DLGAP2: variants seen among roughly 807,000 people sequenced by gnomAD.
The protein encoded by DLGAP2 is disks large-associated protein 2.
DLGAP2 carries 26 observed loss-of-function variants against 100.3 expected under a neutral mutation model. The ratio of observed to expected loss-of-function variants is 0.26; its 90% CI spans 0.19 to 0.36. The LOEUF (loss-of-function observed/expected upper bound fraction) is 0.36, where lower values mean the gene tolerates loss of function less well. Among genes scored for constraint, DLGAP2 ranks in the 10% least tolerant of loss-of-function variants. DLGAP2 has a pLI of 1.00. For missense variants in DLGAP2, 1,858 were observed against 1,453.2 expected, an observed-to-expected ratio of 1.28 and a Z score of -4.53; for synonymous variants, 886 against 630.1, an observed-to-expected ratio of 1.41 and a Z score of -6.08.
Position 809,374 on chromosome 8 carries a change from A to G in DLGAP2, c.18+71549A>G, listed in dbSNP as rs11779145. On this transcript the variant is annotated intron_variant, in intron 1 of 14. Coordinates refer to ENST00000637795, the MANE Select transcript of DLGAP2 (RefSeq NM_001346810.2). Reference sequence around the variant, plus strand: ...CAGTAATCTTTTGACTTTTACCTACACCATTTATTTTGGTCTGAGTTTTGA... The same window carrying G: ...CAGTAATCTTTTGACTTTTACCTACGCCATTTATTTTGGTCTGAGTTTTGA... Among the ~76,000 whole-genome samples, 1,103 of 151,534 alleles carry G rather than the reference A, an allele frequency of 7.3e-3. 4 individuals are homozygous for G. Among genetic ancestry groups the G allele is most frequent in the Non-Finnish European group, 0.013 (851 of 67,928 alleles).
intron 3 of DLGAP2, among the ~76,000 whole-genome samples, chr8:1,351,546 G>C (rs1465007924): frequency 1.3e-5 from 1 of 75,426 alleles, no homozygotes; most frequent in Non-Finnish European, 2.8e-5. Context: ...GGTCCTGACT[G>C]TGTGTGGAAA....
In DLGAP2 at chr8:1,549,034, A is replaced by G. The variant is rs754114605; in HGVS notation, c.581A>G (p.Asp194Gly). Residue 194 changes from aspartate (D) to glycine (G), a missense_variant, in exon 5 of 15, where the codon GAC (aspartate) becomes GGC (glycine). Coordinates refer to ENST00000637795, the MANE Select transcript of DLGAP2 (RefSeq NM_001346810.2). The stretch of plus-strand genomic sequence containing the variant: ...AACCGCATCCCGGCCAACCTGCTGG[A>G]CCAGTTCGAGAAGCAGCTGCCGCTG... ...KINRIPANLL[D>G]QFEKQLPLHR... is the part of the protein sequence containing the mutation. 6 of 1,595,074 alleles carry G rather than the reference A, an allele frequency of 3.8e-6. No homozygotes were observed. In the East Asian group the frequency reaches 1.4e-4, roughly 36 times the overall value.
chr8:1,329,077 G>A (rs1254107191), intron 3 of DLGAP2, among the ~76,000 whole-genome samples: 1 of 150,094 alleles, frequency 6.7e-6, no homozygotes, highest in East Asian at 1.9e-4. Flanking sequence ...CAGGCGACAG[G>A]TGACAAGCGA....
At chr8:1,161,567 C>T (rs1174138893) in intron 2 of DLGAP2, among the ~76,000 whole-genome samples, 2 of 152,178 alleles carry the variant, frequency 1.3e-5, no homozygotes, top group East Asian at 1.9e-4. Flanking sequence ...GGTAGAAAAT[C>T]GGCGCCTTCC....
chr8:1,170,249 G>T (rs1477883664), intron 2 of DLGAP2, among the ~76,000 whole-genome samples: 2 of 152,168 alleles, frequency 1.3e-5, no homozygotes, highest in South Asian at 2.1e-4. Flanking sequence ...GTTCATGCTG[G>T]ATAAGCTTTT....
In DLGAP2 at chr8:1,538,498, C is replaced by T. The variant is rs1801230822; in HGVS notation, c.173-10128C>T. 2.0e-5 allele frequency among the ~76,000 whole-genome samples: 3 copies of T among 152,214 alleles called. No individual in the cohort carries two copies. In the South Asian group the frequency reaches 6.2e-4, roughly 31 times the overall value. The stretch of plus-strand genomic sequence containing the variant: ...GGGCTGATTTCTTTCAGGCTCAGGG[C>T]TCAGACTGCATGATAAGATAACCAT... On this transcript the variant is annotated intron_variant, in intron 4 of 14. Transcript: ENST00000637795.
rs1040089478 is a variant in DLGAP2 at position 1,253,318 on chromosome 8, C to G, written c.74-5533C>G. ...GGGCTCCAGGAGAGCTGCCAGGGCC[C>G]CTTTATCTCCCGGCTCCATCGGCTG... On this transcript the variant is annotated intron_variant, in intron 2 of 14. Coordinates refer to ENST00000637795, the MANE Select transcript of DLGAP2 (RefSeq NM_001346810.2). Among the ~76,000 whole-genome samples, 14 of 152,254 alleles carry G rather than the reference C, an allele frequency of 9.2e-5. No individual in the cohort carries two copies. In the South Asian group the frequency reaches 2.9e-3, roughly 32 times the overall value.
chr8:783,251 C>T lies in DLGAP2; in HGVS notation c.18+45426C>T, dbSNP rs142331694. 8.7e-3 allele frequency among the ~76,000 whole-genome samples: 1,326 copies of T among 152,294 alleles called. 85 individuals carry two copies. Among genetic ancestry groups the T allele is most frequent in the Admixed American group, 0.08 (1,224 of 15,296 alleles). On this transcript the variant is annotated intron_variant, in intron 1 of 14. Transcript: ENST00000637795. Reference sequence around the variant, plus strand: ...AAACACTCTTCATTGCTCAGAAATACTACAGAGAATGGTTTGCCTGCACTC... The same window carrying T: ...AAACACTCTTCATTGCTCAGAAATATTACAGAGAATGGTTTGCCTGCACTC...
intron 3 of DLGAP2, among the ~76,000 whole-genome samples, chr8:1,275,822 A>T (rs1317850611): frequency 7.9e-6 from 1 of 126,812 alleles, no homozygotes; most frequent in African/African-American, 3.0e-5. Flanking sequence ...TATATAATAT[A>T]TAAAAATAAA....
At chr8:1,251,554 C>G (rs187147499) in intron 2 of DLGAP2, among the ~76,000 whole-genome samples, 1 of 152,326 alleles carries the variant, frequency 6.6e-6, no homozygotes, top group Admixed American at 6.5e-5. Context: ...CTACCTCGAC[C>G]TCCCAGAGTG....
chr8:861,039 G>A (rs369283750), intron 1 of DLGAP2, among the ~76,000 whole-genome samples: 1 of 152,134 alleles, frequency 6.6e-6, no homozygotes, highest in African/African-American at 2.4e-5. Context: ...TTTATAAGTG[G>A]CCAGAGAACA....
chr8:918,399 T>G (rs771671375), intron 2 of DLGAP2, among the ~76,000 whole-genome samples: 25 of 152,238 alleles, frequency 1.6e-4, no homozygotes, highest in Non-Finnish European at 3.2e-4. Context: ...CTGTGTCGCT[T>G]AGATGGGCTT....
intron 6 of DLGAP2, among the ~76,000 whole-genome samples, chr8:1,609,358 C>G (rs1796922279): frequency 7.4e-6 from 1 of 134,890 alleles, no homozygotes; most frequent in South Asian, 2.6e-4. Flanking sequence ...TTTGTCACCA[C>G]CAGGCCTGCC....
At chr8:959,510 G>C (rs149500591) in intron 2 of DLGAP2, among the ~76,000 whole-genome samples, 2 of 152,362 alleles carry the variant, frequency 1.3e-5, no homozygotes, top group South Asian at 2.1e-4. Context: ...GCTGTCTTCT[G>C]TGTCCAGGGC....
At chr8:1,560,319 G>T (rs1802116339) in intron 5 of DLGAP2, among the ~76,000 whole-genome samples, 1 of 152,174 alleles carries the variant, frequency 6.6e-6, no homozygotes, top group African/African-American at 2.4e-5. Context: ...TTCTGGAATA[G>T]TATTTTGGGT....
intron 6 of DLGAP2, among the ~76,000 whole-genome samples, chr8:1,582,194 C>A (rs34573645): frequency 8.1e-5 from 4 of 49,196 alleles, no homozygotes; most frequent in South Asian, 5.6e-4. Flanking sequence ...TACAGACAAA[C>A]CCCCACACAC....
At chr8:1,587,430 T>A (rs999960761) in intron 6 of DLGAP2, among the ~76,000 whole-genome samples, 17 of 152,226 alleles carry the variant, frequency 1.1e-4, no homozygotes, top group Admixed American at 6.5e-4. Context: ...TAACTTCTGC[T>A]TTTATTGCTA....
Position 1,499,725 on chromosome 8 carries a change from A to G in DLGAP2, c.107-1641A>G, listed in dbSNP as rs567205212. ...TTTCTTATACATGTGTGTTTTTTTA[A>G]AAGCTGTAACTGGGAGATCCCATGA... On this transcript the variant is annotated intron_variant, in intron 3 of 14. Transcript: ENST00000637795. Among the ~76,000 whole-genome samples the G allele has an allele frequency of 2.4e-3, 366 of 152,326 alleles. 1 individual carries two copies. The highest frequency in any genetic ancestry group is 8.2e-3 in the African/African-American group (342 of 41,566).
chr8:1,197,028 G>A (rs373219382), intron 2 of DLGAP2, among the ~76,000 whole-genome samples: 1 of 152,188 alleles, frequency 6.6e-6, no homozygotes, highest in African/African-American at 2.4e-5. Context: ...GGCAATGTCT[G>A]TGGTCAGGAG....
Sources: gnomAD v4.1 joint callset for allele counts (sites outside exome capture counted in the v4.1 genomes callset) on GRCh38, gnomAD v4.1.1 for gene constraint, MANE v1.5 for transcripts, NCBI Gene and HGNC (gene_info 2026-07-23, HGNC 2026-07-21) for gene names.